TDRD9: variants seen among roughly 807,000 people sequenced by gnomAD.
TDRD9 encodes ATP-dependent RNA helicase TDRD9.
A neutral mutation model predicts 172.6 loss-of-function variants in TDRD9; 124 were observed. The observed-to-expected ratio is 0.72, with a 90% CI of 0.62 to 0.83. The LOEUF (loss-of-function observed/expected upper bound fraction) is 0.83, where lower values mean the gene tolerates loss of function less well. TDRD9 is among the 40% of genes least tolerant of loss of function. The pLI is 0.00. For synonymous variants in TDRD9, 619 were observed against 617.1 expected, an observed-to-expected ratio of 1.00 and a Z score of -0.05; for missense variants, 1,479 against 1,714.1, an observed-to-expected ratio of 0.86 and a Z score of 2.42.
intron 11 of TDRD9, among the ~76,000 whole-genome samples, chr14:103,995,456 C>T (rs1022741104): frequency 6.6e-6 from 1 of 152,180 alleles, no homozygotes; most frequent in Non-Finnish European, 1.5e-5. Flanking sequence ...AATTCCAGGA[C>T]CCCTCTCCAC....
chr14:104,018,237 A>G, intron 23 of TDRD9, 45 bp downstream of exon 23: 1 of 1,191,204 alleles, frequency 8.4e-7, no homozygotes, highest in Non-Finnish European at 1.2e-6. Flanking sequence ...AGGAGGCATA[A>G]TGATTCAAAT....
Position 103,964,882 on chromosome 14 carries a change from C to T in TDRD9, c.421-451C>T, listed in dbSNP as rs557783042. On this transcript the variant is annotated intron_variant, in intron 3 of 35. Coordinates refer to ENST00000409874, the MANE Select transcript of TDRD9 (RefSeq NM_153046.3). ...TTTAAGTGTGGCAACCGTTTGTCGC[C>T]TCCTTGCTCTCTTGTGTTGTGTTTA... Among the ~76,000 whole-genome samples the T allele has an allele frequency of 3.9e-4, 59 of 152,228 alleles. 1 individual carries two copies. Among genetic ancestry groups the T allele is most frequent in the African/African-American group, 1.4e-3 (57 of 41,514 alleles).
intron 1 of TDRD9, among the ~76,000 whole-genome samples, chr14:103,933,402 T>C (rs1014143671): frequency 3.9e-5 from 6 of 152,242 alleles, no homozygotes; most frequent in African/African-American, 1.4e-4. Flanking sequence ...ATGAAGATCT[T>C]ACTTAATTCT....
Position 104,042,205 on chromosome 14 carries a change from G to A in TDRD9, c.3974+18G>A, listed in dbSNP as rs754448836. 12 of 1,542,620 alleles carry A rather than the reference G, an allele frequency of 7.8e-6. No individual in the cohort carries two copies. Among genetic ancestry groups the A allele is most frequent in the Non-Finnish European group, 1.1e-5 (12 of 1,116,186 alleles). On this transcript the variant is annotated intron_variant, in intron 34 of 35. Coordinates refer to ENST00000409874, the MANE Select transcript of TDRD9 (RefSeq NM_153046.3). The stretch of plus-strand genomic sequence containing the variant: ...CTTTTAGGGTAAGCTGTGTGATGAC[G>A]CGGGCTTCTTTTCTTCCCAGTCAAC...
chr14:103,950,667 T>C (rs1337894070), intron 1 of TDRD9, among the ~76,000 whole-genome samples: 1 of 152,188 alleles, frequency 6.6e-6, no homozygotes, highest in Non-Finnish European at 1.5e-5. Context: ...CCAGATACAC[T>C]ATGTGAATGA....
chr14:104,003,310 CT>C (rs1290583675), intron 13 of TDRD9, among the ~76,000 whole-genome samples: 1 of 152,076 alleles, frequency 6.6e-6, no homozygotes, highest in African/African-American at 2.4e-5. Flanking sequence ...ACAACTTGGT[CT>C]GTTTTAGCAT....
At chr14:104,028,313 T>C (rs1275703514) in intron 28 of TDRD9, among the ~76,000 whole-genome samples, 1 of 152,180 alleles carries the variant, frequency 6.6e-6, no homozygotes, top group Non-Finnish European at 1.5e-5. Context: ...CCACCAACAG[T>C]GTATAAGAGT....
In TDRD9 at chr14:103,955,725, C is replaced by A; in HGVS notation, c.277C>A (p.Gln93Lys). 1 of 1,551,444 alleles carries A rather than the reference C, an allele frequency of 6.4e-7. No homozygotes were observed. The change falls in exon 2 of 36, where the codon CAA (glutamine) becomes AAA (lysine). Residue 93 changes from glutamine (Q) to lysine (K), a missense_variant. Gln to Lys is a moderately conservative substitution (Grantham distance 53, BLOSUM62 1). Around this residue, in one of 3 missense-constraint regions of TDRD9, gnomAD observed 1,413 missense variants for 1,649.1 expected, o/e 0.86. Transcript: ENST00000409874. ...YINKYRQLEAQELDVCRSVQP... is the reference protein window; with the variant it reads ...YINKYRQLEAKELDVCRSVQP... Reference sequence around the variant, plus strand: ...TAACAAATACAGACAGCTCGAAGCACAAGAGCTTGATGTGTGTCGCAGTGT... The same window carrying A: ...TAACAAATACAGACAGCTCGAAGCAAAAGAGCTTGATGTGTGTCGCAGTGT...
Position 103,941,537 on chromosome 14 carries a change from T to G in TDRD9, c.215+12813T>G, listed in dbSNP as rs368765029. On this transcript the variant is annotated intron_variant, in intron 1 of 35. Transcript: ENST00000409874. ...TGTAATCCACACCTGTTTTTTTCAC[T>G]TTTTGTTCATTTTCGATTTCTTGTA... The G allele has an allele frequency of 1.4e-5, 22 of 1,535,420 alleles. No individual in the cohort carries two copies. The African/African-American group carries it at 2.9e-4, about 20-fold the overall frequency.
At chr14:104,040,433 G>GAC in intron 33 of TDRD9, 99 bp downstream of exon 33, 1 of 1,260,662 alleles carries the variant, frequency 7.9e-7, no homozygotes, top group Admixed American at 3.1e-5. Flanking sequence ...TCGCGGTGCA[G>GAC]ACACACACCT....
intron 32 of TDRD9, among the ~76,000 whole-genome samples, chr14:104,035,285 T>C (rs2035417399): frequency 6.6e-6 from 1 of 151,548 alleles, no homozygotes; most frequent in Non-Finnish European, 1.5e-5. Flanking sequence ...ACATAGGAGC[T>C]TGAGGCAAAA....
chr14:103,943,012 T>C (rs1201657422), intron 1 of TDRD9, among the ~76,000 whole-genome samples: 3 of 151,932 alleles, frequency 2.0e-5, no homozygotes, highest in Non-Finnish European at 4.4e-5. Context: ...CAAAATCTTA[T>C]AATTCATCGT....
chr14:103,963,809 A>G (rs911779490), intron 3 of TDRD9, among the ~76,000 whole-genome samples: 5 of 152,252 alleles, frequency 3.3e-5, no homozygotes, highest in African/African-American at 9.6e-5. Context: ...AGAGTAAATC[A>G]TGCAACTAAA....
intron 32 of TDRD9, among the ~76,000 whole-genome samples, chr14:104,036,643 T>C (rs142362706): frequency 6.6e-6 from 1 of 152,230 alleles, no homozygotes; most frequent in African/African-American, 2.4e-5. Context: ...TTTTCACAAC[T>C]CCAGAGTGCA....
At chr14:104,020,469 G>A (rs1409786000) in intron 23 of TDRD9, among the ~76,000 whole-genome samples, 1 of 152,214 alleles carries the variant, frequency 6.6e-6, no homozygotes, top group Admixed American at 6.5e-5. Flanking sequence ...ATGCAGCTTC[G>A]AGGAGAAGAC....
chr14:103,973,311 G>T (rs186586704), intron 6 of TDRD9, among the ~76,000 whole-genome samples: 1 of 152,146 alleles, frequency 6.6e-6, no homozygotes, highest in African/African-American at 2.4e-5. Context: ...AGAGAGTGCC[G>T]CTGTCAAGAG....
intron 34 of TDRD9, among the ~76,000 whole-genome samples, chr14:104,047,675 T>G (rs1377227543): frequency 6.6e-6 from 1 of 152,162 alleles, no homozygotes; most frequent in Non-Finnish European, 1.5e-5. Flanking sequence ...GCCTCACTGG[T>G]CTTTGAGGCT....
intron 24 of TDRD9, among the ~76,000 whole-genome samples, chr14:104,022,553 C>G (rs1006035956): frequency 6.6e-6 from 1 of 152,082 alleles, no homozygotes; most frequent in African/African-American, 2.4e-5. Context: ...ATGATGAAAC[C>G]CTGTCTGTAC....
intron 22 of TDRD9, 99 bp from the exon 23 acceptor site, chr14:104,017,993 T>C: frequency 2.8e-6 from 2 of 706,292 alleles, no homozygotes. Context: ...ACTATGTTTT[T>C]AGAAACTAAA....
Sources: allele counts gnomAD v4.1 joint callset (sites outside exome capture counted in the v4.1 genomes callset), GRCh38; gene constraint gnomAD v4.1.1; regional missense constraint gnomAD v4.1.1; transcripts MANE v1.5; gene names NCBI Gene and HGNC (gene_info 2026-07-23, HGNC 2026-07-21).